Variants in FHOD3 observed in about 807,000 individuals in gnomAD.
The protein encoded by FHOD3 is FH1/FH2 domain-containing protein 3.
Under a neutral mutation model 173.0 loss-of-function variants are expected in FHOD3, and 90 were observed. The ratio of observed to expected loss-of-function variants is 0.52; its 90% CI spans 0.44 to 0.62. The LOEUF (loss-of-function observed/expected upper bound fraction) is 0.62. Among genes scored for constraint, FHOD3 ranks in the 20% least tolerant of loss-of-function variants. The pLI is 0.00. For synonymous variants in FHOD3, 828 were observed against 823.0 expected, an observed-to-expected ratio of 1.01 and a Z score of -0.10; for missense variants, 1,945 against 2,034.7, an observed-to-expected ratio of 0.96 and a Z score of 0.85.
intron 19 of FHOD3, among the ~76,000 whole-genome samples, chr18:36,721,848 A>T (rs570832635): frequency 1.3e-5 from 2 of 152,308 alleles, no homozygotes; most frequent in Non-Finnish European, 2.9e-5. Flanking sequence ...ATGCAACAAA[A>T]GTAGAGTGAA....
chr18:36,742,722 T>A lies in FHOD3; in HGVS notation c.3760-15T>A. 1 of 1,599,618 alleles carries A rather than the reference T, an allele frequency of 6.3e-7. No homozygotes were observed. Among genetic ancestry groups the A allele is most frequent in the Non-Finnish European group, 8.5e-7 (1 of 1,176,174 alleles). On this transcript the variant is annotated splice_polypyrimidine_tract_variant and intron_variant, in intron 21 of 28. Coordinates refer to ENST00000590592, the MANE Select transcript of FHOD3 (RefSeq NM_001281740.3). ...TTGTACACTCTTTATTGTCTAATTT[T>A]TTTTTAACTGAAAGGAAGTAGCAGA...
intron 3 of FHOD3, among the ~76,000 whole-genome samples, chr18:36,490,134 C>T (rs1008548492): frequency 2.5e-4 from 38 of 152,154 alleles, no homozygotes; most frequent in African/African-American, 8.4e-4. Context: ...TCAACCTCTC[C>T]GCAGAGGGAG....
At chr18:36,511,357 G>GTTTTTTTTTTTTTTT (rs760692797) in intron 4 of FHOD3, among the ~76,000 whole-genome samples, 1 of 143,608 alleles carries the variant, frequency 7.0e-6, no homozygotes. Context: ...TCTTGCCAAT[G>GTTTTTTTTTTTTTTT]TTTTTTTTTT....
chr18:36,712,388 AG>A (rs2040215402), intron 18 of FHOD3, among the ~76,000 whole-genome samples: 1 of 152,238 alleles, frequency 6.6e-6, no homozygotes, highest in Admixed American at 6.5e-5. Flanking sequence ...ATACGTAAAA[AG>A]TAAAATATCT....
chr18:36,514,446 C>T (rs2055848452), intron 5 of FHOD3, among the ~76,000 whole-genome samples: 1 of 152,124 alleles, frequency 6.6e-6, no homozygotes, highest in South Asian at 2.1e-4. Flanking sequence ...TGGTCTAACA[C>T]CTAGACAGGA....
At chr18:36,475,599 C>A (rs923408075) in intron 3 of FHOD3, among the ~76,000 whole-genome samples, 10 of 151,994 alleles carry the variant, frequency 6.6e-5, no homozygotes, top group African/African-American at 2.4e-4. Flanking sequence ...GAGAAACATT[C>A]CCTAAAATAA....
chr18:36,610,145 C>T lies in FHOD3; in HGVS notation c.814-1807C>T, dbSNP rs542413784. ...TCTCTGTGCCTGGGGCTGGCCCCCA[C>T]GCTGCTGTGTAGGAAGTTTTAATTC... On this transcript the variant is annotated intron_variant, in intron 8 of 28. Coordinates refer to ENST00000590592, the MANE Select transcript of FHOD3 (RefSeq NM_001281740.3). Among the ~76,000 whole-genome samples the T allele has an allele frequency of 1.7e-4, 26 of 152,306 alleles. 1 individual carries two copies. The highest frequency in any genetic ancestry group is 1.3e-3 in the Admixed American group (20 of 15,300).
At chr18:36,683,124 T>C (rs1021064877) in intron 15 of FHOD3, among the ~76,000 whole-genome samples, 11 of 152,196 alleles carry the variant, frequency 7.2e-5, no homozygotes, top group African/African-American at 1.7e-4. Flanking sequence ...CCAAACGATA[T>C]TTGGAAATGC....
chr18:36,512,581 G>T (rs756102639), intron 5 of FHOD3, 38 bp downstream of exon 5: 26 of 1,448,956 alleles, frequency 1.8e-5, no homozygotes. Context: ...TGCCCCAGCT[G>T]CAGGGGGGAT....
intron 5 of FHOD3, among the ~76,000 whole-genome samples, chr18:36,527,328 TAAG>T (rs2056568872): frequency 1.3e-5 from 2 of 152,196 alleles, no homozygotes. Context: ...TAATTTCTCT[TAAG>T]AAGGGATTTA....
At chr18:36,589,291 A>G (rs1332244011) in intron 6 of FHOD3, among the ~76,000 whole-genome samples, 1 of 152,244 alleles carries the variant, frequency 6.6e-6, no homozygotes, top group Non-Finnish European at 1.5e-5. Flanking sequence ...ATTATAACAG[A>G]CAACTAAAAA....
In FHOD3 at chr18:36,740,680, G is replaced by A. The variant is rs554487359; in HGVS notation, c.3601G>A (p.Asp1201Asn). The change falls in exon 21 of 29, where the codon GAT (aspartate) becomes AAT (asparagine). Residue 1201 changes from aspartate to asparagine, a missense_variant. Asp to Asn is a conservative substitution (Grantham distance 23). Transcript: ENST00000590592. The part of the protein sequence containing the change: ...IEKILTMIPT[D>N]EEKQKIQEAQ... ...GAAAATTCTAACGATGATTCCCACC[G>A]ATGAGGAGAAGCAGAAAATCCAGGA... is the stretch of plus-strand genomic sequence containing the variant. 83 of 1,613,744 alleles carry A rather than the reference G, an allele frequency of 5.1e-5. No homozygotes were observed. Among genetic ancestry groups the A allele is most frequent in the Admixed American group, 2.0e-4 (12 of 59,970 alleles).
At chr18:36,390,993 G>A (rs753269157) in intron 3 of FHOD3, among the ~76,000 whole-genome samples, 8 of 152,230 alleles carry the variant, frequency 5.3e-5, no homozygotes, top group Non-Finnish European at 7.3e-5. Context: ...GATAGTCCAT[G>A]AATATTCACC....
At chr18:36,353,442 T>C (rs1483999393) in intron 1 of FHOD3, among the ~76,000 whole-genome samples, 6 of 152,230 alleles carry the variant, frequency 3.9e-5, no homozygotes, top group Non-Finnish European at 2.9e-5. Context: ...TTGTTGAGGA[T>C]AATAGCAAAA....
intron 3 of FHOD3, among the ~76,000 whole-genome samples, chr18:36,472,038 GA>G (rs2053315095): frequency 6.6e-6 from 1 of 152,086 alleles, no homozygotes; most frequent in African/African-American, 2.4e-5. Flanking sequence ...CTCAGATAAT[GA>G]TGTTGCTTGA....
chr18:36,366,896 A>G (rs1305137591), intron 2 of FHOD3, among the ~76,000 whole-genome samples: 2 of 152,180 alleles, frequency 1.3e-5, no homozygotes, highest in East Asian at 1.9e-4. Context: ...CTGAAACTAT[A>G]GTTTATTTCT....
chr18:36,366,312 T>C (rs1309580903), intron 2 of FHOD3, among the ~76,000 whole-genome samples: 2 of 151,896 alleles, frequency 1.3e-5, no homozygotes, highest in Non-Finnish European at 2.9e-5. Context: ...GCAAGAGACA[T>C]ACAGAAAGTG....
At chr18:36,456,365 C>A (rs1008387782) in intron 3 of FHOD3, among the ~76,000 whole-genome samples, 1 of 152,002 alleles carries the variant, frequency 6.6e-6, no homozygotes, top group Non-Finnish European at 1.5e-5. Context: ...ATCAGCAGCA[C>A]CATCTTAGGG....
rs1473020193 is a variant in FHOD3 at position 36,580,151 on chromosome 18, A to G, written c.606+3606A>G. Among the ~76,000 whole-genome samples the G allele has an allele frequency of 2.0e-5, 3 of 152,174 alleles. No individual in the cohort carries two copies. The East Asian group carries it at 5.8e-4, about 29-fold the overall frequency. On this transcript the variant is annotated intron_variant, in intron 6 of 28. Coordinates refer to ENST00000590592, the MANE Select transcript of FHOD3 (RefSeq NM_001281740.3). ...AAAGTTTCAAAAATACATTTGTAGG[A>G]ATTGTGCTTTCCCAGCCTCCCCATC...
Sources: allele counts gnomAD v4.1 joint callset (sites outside exome capture counted in the v4.1 genomes callset), GRCh38; gene constraint gnomAD v4.1.1; transcripts MANE v1.5; gene names NCBI Gene and HGNC (gene_info 2026-07-23, HGNC 2026-07-21).